Variants in LACTB2 observed in about 807,000 individuals in gnomAD.
The protein encoded by LACTB2 is lactamase beta 2, also known as endoribonuclease LACTB2.
LACTB2 carries 32 observed loss-of-function variants against 34.8 expected under a neutral mutation model. That is an observed-to-expected ratio of 0.92 (90% CI 0.69 to 1.24). The LOEUF is 1.24. LACTB2 is among the 50% of genes most tolerant of loss of function. The probability of loss-of-function intolerance (pLI) is 0.00; values close to 1 mark genes in which losing one functional copy is unlikely to be tolerated. For synonymous variants in LACTB2, 120 were observed against 117.5 expected (o/e 1.02, Z -0.14); for missense variants, 320 against 345.0 (o/e 0.93, Z 0.57).
At chr8:70,652,127 T>C (rs1027431103) in intron 3 of LACTB2, among the ~76,000 whole-genome samples, 4 of 152,200 alleles carry the variant, frequency 2.6e-5, no homozygotes, top group Non-Finnish European at 5.9e-5. Flanking sequence ...CCCTACTGCA[T>C]TTTATGTTAT....
intron 5 of LACTB2, among the ~76,000 whole-genome samples, chr8:70,640,421 T>A (rs16937168): frequency 0.15 from 22,884 of 152,112 alleles, 2,434 homozygotes; most frequent in African/African-American, 0.3. Flanking sequence ...CCCTACATAC[T>A]ATTTTACTCA....
In LACTB2 at chr8:70,656,312, T is replaced by G. The variant is rs143601265; in HGVS notation, c.413+1444A>C. 7.7e-3 allele frequency among the ~76,000 whole-genome samples: 1,179 copies of G among 152,380 alleles called. 17 individuals are homozygous for G. The highest frequency in any genetic ancestry group is 0.026 in the African/African-American group (1,075 of 41,590). On this transcript the variant is annotated intron_variant, in intron 3 of 6. Transcript: ENST00000276590. ...GTTATCTTCTGTAATTTTTATAGTTTCAGGTCTTAGGTTTAAGTCCTTAAT... is the reference window on the plus strand; with the variant it reads ...GTTATCTTCTGTAATTTTTATAGTTGCAGGTCTTAGGTTTAAGTCCTTAAT...
At position 70,638,669 on chromosome 8, in the gene LACTB2, T is replaced by A. The variant is rs560051534; in HGVS notation, c.742-40A>T. Reference sequence around the variant, plus strand: ...AAGGTGAAAAAAATTCCTTTTTTTTTAAAAAAAAGAACACAGTTAATTTTT... The same window carrying A: ...AAGGTGAAAAAAATTCCTTTTTTTTAAAAAAAAAGAACACAGTTAATTTTT... On this transcript the variant is annotated intron_variant, in intron 5 of 6. Transcript: ENST00000276590. 92 of 1,339,756 alleles carry A rather than the reference T, an allele frequency of 6.9e-5. No homozygotes were observed. Among genetic ancestry groups the A allele is most frequent in the Admixed American group, 1.8e-4 (6 of 33,670 alleles). The allele number at this position is 1,339,756 out of a possible 1,614,324, so 83.0% of individuals were successfully genotyped here.
chr8:70,645,773 C>G (rs1020297304), intron 3 of LACTB2, among the ~76,000 whole-genome samples: 2 of 151,132 alleles, frequency 1.3e-5, no homozygotes, highest in African/African-American at 4.9e-5. Flanking sequence ...CGATAGTTTG[C>G]TGAGAATGAT....
chr8:70,661,654 C>A, intron 2 of LACTB2, 80 bp downstream of exon 2: 1 of 1,259,914 alleles, frequency 7.9e-7, no homozygotes, highest in Admixed American at 2.2e-5. Flanking sequence ...GGTTTATAGA[C>A]TACTTAGCTC....
chr8:70,654,567 A>G (rs991874822), intron 3 of LACTB2: 3 of 148,066 alleles, frequency 2.0e-5, no homozygotes, highest in Admixed American at 6.8e-5. Flanking sequence ...GTATTTACCT[A>G]TTTTTTTTTT....
chr8:70,657,628 G>C (rs1477755487), intron 3 of LACTB2, 128 bp downstream of exon 3: 3 of 838,542 alleles, frequency 3.6e-6, no homozygotes, highest in Non-Finnish European at 3.5e-6. Flanking sequence ...GCCCAGGCTG[G>C]TCTTGAACTC....
intron 3 of LACTB2, among the ~76,000 whole-genome samples, chr8:70,652,116 T>C (rs2132074949): frequency 6.6e-6 from 1 of 152,306 alleles, no homozygotes; most frequent in South Asian, 2.1e-4. Flanking sequence ...ATTATCTCTG[T>C]CCCTACTGCA....
intron 1 of LACTB2, among the ~76,000 whole-genome samples, chr8:70,668,662 T>C (rs760226960): frequency 2.3e-4 from 35 of 152,246 alleles, no homozygotes; most frequent in Middle Eastern, 3.4e-3. Flanking sequence ...TCTTGGACTC[T>C]TGACATCCGA....
At position 70,657,828 on chromosome 8, in the gene LACTB2, A is replaced by G. The variant is rs150275666; in HGVS notation, c.341T>C (p.Ile114Thr). The change falls in exon 3 of 7, where the codon ATA becomes ACA. Residue 114 changes from isoleucine to threonine, a missense_variant. By Grantham distance (89) the Ile-to-Thr change is moderately conservative. Coordinates refer to ENST00000276590, the MANE Select transcript of LACTB2 (RefSeq NM_016027.3). ...LPRNPQREEI[I>T]GNGEQQYVYL... ...AACATATTGTTGCTCTCCATTTCCT[A>G]TAATTTCTTCTCTCTGAGGATTCCG... The G allele has an allele frequency of 3.7e-6, 6 of 1,611,220 alleles. No individual in the cohort carries two copies. In the African/African-American group the frequency reaches 8.0e-5, roughly 22 times the overall value.
intron 3 of LACTB2, among the ~76,000 whole-genome samples, chr8:70,654,243 A>T (rs992011007): frequency 8.5e-5 from 13 of 152,186 alleles, no homozygotes; most frequent in African/African-American, 3.1e-4. Flanking sequence ...CAGGGAGACA[A>T]GTAGTGGAAA....
intron 2 of LACTB2, chr8:70,661,102 T>C (rs1237138036): frequency 2.2e-6 from 1 of 453,428 alleles, no homozygotes; most frequent in African/African-American, 2.0e-5. Flanking sequence ...TATTTACCAG[T>C]ACCTTCCCTA....
intron 1 of LACTB2, among the ~76,000 whole-genome samples, chr8:70,664,043 C>G (rs975273993): frequency 6.6e-6 from 1 of 152,154 alleles, no homozygotes; most frequent in African/African-American, 2.4e-5. Context: ...CAATAATACT[C>G]TCTAGCCCAC....
At chr8:70,657,991 C>G in intron 2 of LACTB2, 109 bp from the exon 3 acceptor site, 1 of 647,048 alleles carries the variant, frequency 1.5e-6, no homozygotes, top group Non-Finnish European at 2.4e-6. Context: ...AAAATATTAA[C>G]ATTAAGAGAC....
chr8:70,637,843 C>T lies in LACTB2; in HGVS notation c.*17G>A, dbSNP rs2132065788. 2 of 1,507,914 alleles carry T rather than the reference C, an allele frequency of 1.3e-6. No homozygotes were observed. Among genetic ancestry groups the T allele is most frequent in the Non-Finnish European group, 9.0e-7 (1 of 1,114,306 alleles). The allele number at this position is 1,507,914 out of a possible 1,614,324, so 93.4% of individuals were successfully genotyped here. On this transcript the variant is annotated 3_prime_UTR_variant, in exon 7 of 7. Coordinates refer to ENST00000276590, the MANE Select transcript of LACTB2 (RefSeq NM_016027.3). Reference sequence around the variant, plus strand: ...TCTCTGAAAGCAAAATAAAACAAAGCTTTCTTTAATCTGAAACTAAAGATG... The same window carrying T: ...TCTCTGAAAGCAAAATAAAACAAAGTTTTCTTTAATCTGAAACTAAAGATG...
chr8:70,661,852 G>T lies in LACTB2; in HGVS notation c.168C>A (p.Ile56=). 6.2e-7 allele frequency: 1 copy of T among 1,612,432 alleles called. No individual in the cohort carries two copies. The highest frequency in any genetic ancestry group is 8.5e-7 in the Non-Finnish European group (1 of 1,179,574). ...DTGEPAIPEY[I]SCLKQALTEF... The stretch of plus-strand genomic sequence containing the variant: ...CAGTTAGAGCCTGCTTTAAACAGCT[G>T]ATGTATTCTGGAATTGCTGGTTCTC... The change falls in exon 2 of 7, where the codon ATC becomes ATA. Residue 56 remains isoleucine, a synonymous_variant. Coordinates refer to ENST00000276590, the MANE Select transcript of LACTB2 (RefSeq NM_016027.3).
chr8:70,641,793 A>G (rs562996541), intron 4 of LACTB2, among the ~76,000 whole-genome samples: 1 of 152,240 alleles, frequency 6.6e-6, no homozygotes, highest in Non-Finnish European at 1.5e-5. Flanking sequence ...TATATTATAT[A>G]AGTCTGCAAG....
chr8:70,667,292 C>T (rs1202864548), intron 1 of LACTB2, among the ~76,000 whole-genome samples: 1 of 152,130 alleles, frequency 6.6e-6, no homozygotes, highest in Non-Finnish European at 1.5e-5. Flanking sequence ...ATACAAAAGC[C>T]GCTTGTGATC....
intron 4 of LACTB2, 59 bp downstream of exon 4, chr8:70,644,006 G>C (rs1247993633): frequency 1.4e-6 from 2 of 1,385,144 alleles, no homozygotes; most frequent in East Asian, 5.4e-5. Flanking sequence ...GGAAAACATA[G>C]CAAGACCTTG....
Sources: gnomAD v4.1 joint callset for allele counts (sites outside exome capture counted in the v4.1 genomes callset) on GRCh38, gnomAD v4.1.1 for gene constraint, MANE v1.5 for transcripts, NCBI Gene and HGNC (gene_info 2026-07-23, HGNC 2026-07-21) for gene names.